IL9: variants seen among roughly 807,000 people sequenced by gnomAD.
IL9 encodes interleukin 9, also known as interleukin-9.
Under a neutral mutation model 12.9 loss-of-function variants are expected in IL9, and 16 were observed. That is an observed-to-expected ratio of 1.24 (90% CI 0.84 to 1.88). The LOEUF (loss-of-function observed/expected upper bound fraction) is 1.88. Ranked by LOEUF, IL9 falls within the 40% of genes most tolerant of loss-of-function variation. IL9 has a pLI of 0.00. For synonymous variants in IL9, 69 were observed against 63.8 expected, an observed-to-expected ratio of 1.08 and a Z score of -0.39; for missense variants, 170 against 173.1, an observed-to-expected ratio of 0.98 and a Z score of 0.10.
Position 135,894,080 on chromosome 5 carries a change from G to C in IL9, c.255C>G (p.Tyr85Ter), listed in dbSNP as rs182132242. Residue 85 changes from tyrosine (Y) to a stop codon, truncating the protein, a stop_gained, in exon 4 of 5, where the codon TAC (tyrosine) becomes TAG (stop). Coordinates refer to ENST00000274520, the MANE Select transcript of IL9 (RefSeq NM_000590.2). LOFTEE classifies it high-confidence loss of function. ...QMTNTTMQTR[Y>*]PLIFSRVKKS... ...TTTTCACCCGACTGAAAATCAGTGG[G>C]TATCTTGTTTGCATGGTGGTATTGG... The C allele has an allele frequency of 1.6e-4, 263 of 1,613,324 alleles. 1 individual carries two copies. The East Asian group carries it at 5.3e-3, about 32-fold the overall frequency.
intron 3 of IL9, among the ~76,000 whole-genome samples, chr5:135,894,804 T>C (rs1259132209): frequency 6.6e-6 from 1 of 152,174 alleles, no homozygotes; most frequent in Non-Finnish European, 1.5e-5. Flanking sequence ...AGAACTTTCC[T>C]GCCACCCATC....
chr5:135,893,921 A>G (rs75186732), intron 4 of IL9, 99 bp downstream of exon 4: 6 of 1,028,136 alleles, frequency 5.8e-6, no homozygotes. Context: ...TGAACTACCA[A>G]TTCCAACTTT....
Position 135,892,579 on chromosome 5 carries a change from T to A in IL9, c.316-69A>T, listed in dbSNP as rs116896049. ...GTAGAGCCAAGCAGCCCCAGAAGCC[T>A]ACCTGCCAAGAGCCAGAGTCGGTGG... On this transcript the variant is annotated intron_variant, in intron 4 of 4. Coordinates refer to ENST00000274520, the MANE Select transcript of IL9 (RefSeq NM_000590.2). The A allele has an allele frequency of 1.7e-3, 2,616 of 1,521,806 alleles. 90 individuals carry two copies. In the East Asian group the frequency reaches 0.056, roughly 32 times the overall value. The allele number at this position is 1,521,806 out of a possible 1,614,324, so 94.3% of individuals were successfully genotyped here. A position where few individuals can be genotyped will look rare whatever the true frequency, so the allele number is the denominator to read the frequency against.
chr5:135,895,715 G>A lies in IL9; in HGVS notation c.102C>T (p.Ile34=). Residue 34 remains isoleucine (I), a synonymous_variant, in exon 1 of 5, where the codon ATC becomes ATT. Transcript: ENST00000274520. ...LAGILDINFL[I]NKMQEDPASK... is the part of the protein sequence containing the mutation. ...CCCTGCAGCCTACCTGCATCTTGTT[G>A]ATGAGGAAGTTGATGTCCAGGATCC... is the stretch of plus-strand genomic sequence containing the variant. 6.2e-7 allele frequency: 1 copy of A among 1,613,320 alleles called. No homozygotes were observed. The highest frequency in any genetic ancestry group is 8.5e-7 in the Non-Finnish European group (1 of 1,179,302).
intron 3 of IL9, among the ~76,000 whole-genome samples, chr5:135,894,959 G>A (rs929026296): frequency 1.2e-4 from 19 of 152,216 alleles, no homozygotes; most frequent in African/African-American, 4.1e-4. Context: ...GAGGAAGGGA[G>A]GAGGCAGGGA....
chr5:135,892,989 T>G (rs1471978877), intron 4 of IL9, among the ~76,000 whole-genome samples: 2 of 152,182 alleles, frequency 1.3e-5, no homozygotes, highest in Non-Finnish European at 2.9e-5. Context: ...GCAAATTAGT[T>G]AACCTCACTG....
In IL9 at chr5:135,892,246, A is replaced by G. The variant is rs1762877394; in HGVS notation, c.*145T>C. 3 of 597,508 alleles carry G rather than the reference A, an allele frequency of 5.0e-6. No homozygotes were observed. The highest frequency in any genetic ancestry group is 8.3e-6 in the Non-Finnish European group (3 of 362,902). 37.0% of individuals were successfully genotyped at this position (597,508 alleles called of 1,614,324 possible). A position where few individuals can be genotyped will look rare whatever the true frequency, so the allele number is the denominator to read the frequency against. ...CTCATGTTGTTTTTTCCACATATGT[A>G]TTTATTTCAAAATAAAGACATACAA... On this transcript the variant is annotated 3_prime_UTR_variant, in exon 5 of 5. Transcript: ENST00000274520.
At position 135,892,435 on chromosome 5, in the gene IL9, T is replaced by C; in HGVS notation, c.391A>G (p.Ile131Val). ...CCTCTCATCTTTTCTTTCTGGAAAA[T>C]TTCCAGAAGACTCTTCAGAAATGTC... ...ALTFLKSLLE[I>V]FQKEKMRGMR... Residue 131 changes from isoleucine (I) to valine (V), a missense_variant, in exon 5 of 5, where the codon ATT becomes GTT. Physicochemically the swap from Ile to Val is conservative, Grantham distance 29. Transcript: ENST00000274520. 4 of 1,612,856 alleles carry C rather than the reference T, an allele frequency of 2.5e-6. No homozygotes were observed. Among genetic ancestry groups the C allele is most frequent in the Non-Finnish European group, 3.4e-6 (4 of 1,179,276 alleles).
In IL9 at chr5:135,895,472, C is replaced by A. The variant is rs1762927922; in HGVS notation, c.151G>T (p.Val51Leu). The change falls in exon 3 of 5, where the codon GTG (valine) becomes TTG (leucine). Residue 51 changes from valine (V) to leucine (L), a missense_variant and splice_region_variant. Val to Leu is a conservative substitution (Grantham distance 32, BLOSUM62 1). Transcript: ENST00000274520. ...ATGCCCAAACAGAGACAACTGGTCA[C>A]CTGCAAGGGAAATTTCAGAGTGAAG... is the stretch of plus-strand genomic sequence containing the variant. ...PASKCHCSAN[V>L]TSCLCLGIPS... The A allele has an allele frequency of 6.2e-7, 1 of 1,613,938 alleles. No individual in the cohort carries two copies. The highest frequency in any genetic ancestry group is 8.5e-7 in the Non-Finnish European group (1 of 1,179,914).
intron 4 of IL9, 94 bp from the exon 5 acceptor site, chr5:135,892,604 G>A (rs766778682): frequency 7.0e-4 from 977 of 1,405,438 alleles, no homozygotes; most frequent in Non-Finnish European, 9.1e-4. Context: ...AGAGTCGGTG[G>A]TGAGGATTGT....
chr5:135,894,280 C>T, intron 3 of IL9, 129 bp from the exon 4 acceptor site: 1 of 904,118 alleles, frequency 1.1e-6, no homozygotes, highest in Non-Finnish European at 1.7e-6. Flanking sequence ...TATTTTTAGA[C>T]AGGTCCCTTG....
chr5:135,892,465 C>T lies in IL9; in HGVS notation c.361G>A (p.Ala121Thr), dbSNP rs534018695. Residue 121 changes from alanine (A) to threonine (T), a missense_variant, in exon 5 of 5, where the codon GCG becomes ACG. Coordinates refer to ENST00000274520, the MANE Select transcript of IL9 (RefSeq NM_000590.2). ...AGAAGACTCTTCAGAAATGTCAGCG[C>T]GTTGCCTGCCGTGGTTTGGTTGCAT... ...QPCNQTTAGN[A>T]LTFLKSLLEI... The T allele has an allele frequency of 4.9e-5, 79 of 1,613,240 alleles. No individual in the cohort carries two copies. The South Asian group carries it at 6.2e-4, about 13-fold the overall frequency.
At chr5:135,893,813 G>A (rs1762906283) in intron 4 of IL9, among the ~76,000 whole-genome samples, 1 of 152,138 alleles carries the variant, frequency 6.6e-6, no homozygotes, top group Non-Finnish European at 1.5e-5. Flanking sequence ...GCCTCGTCAG[G>A]AACAATGATC....
chr5:135,894,029 G>A lies in IL9; in HGVS notation c.306C>T (p.Asn102=). 2 of 1,611,352 alleles carry A rather than the reference G, an allele frequency of 1.2e-6. No individual in the cohort carries two copies. The highest frequency in any genetic ancestry group is 1.7e-6 in the Non-Finnish European group (2 of 1,179,400). Residue 102 remains asparagine (N), a synonymous_variant, in exon 4 of 5, where the codon AAC becomes AAT. Coordinates refer to ENST00000274520, the MANE Select transcript of IL9 (RefSeq NM_000590.2). The stretch of plus-strand genomic sequence containing the variant: ...ATGAAAACAAACTTACTGGACACTT[G>A]TTGTTCTTTAGTACTTCAACTGATT... The part of the protein sequence containing the change: ...VKKSVEVLKN[N]KCPYFSCEQP...
At position 135,892,306 on chromosome 5, in the gene IL9, G is replaced by C. The variant is rs539145167; in HGVS notation, c.*85C>G. 33 of 999,640 alleles carry C rather than the reference G, an allele frequency of 3.3e-5. No homozygotes were observed. In the African/African-American group the frequency reaches 4.8e-4, roughly 14 times the overall value. 61.9% of individuals were successfully genotyped at this position (999,640 alleles called of 1,614,324 possible). A position where few individuals can be genotyped will look rare whatever the true frequency, so the allele number is the denominator to read the frequency against. On this transcript the variant is annotated 3_prime_UTR_variant, in exon 5 of 5. Coordinates refer to ENST00000274520, the MANE Select transcript of IL9 (RefSeq NM_000590.2). ...AATAATCACAACTGATACTGATTTAGAGTAGCTTACTTGATTTTTAAATTG... is the reference window on the plus strand; with the variant it reads ...AATAATCACAACTGATACTGATTTACAGTAGCTTACTTGATTTTTAAATTG...
chr5:135,895,341 C>G (rs1422205584), intron 3 of IL9, 99 bp downstream of exon 3: 24 of 937,560 alleles, frequency 2.6e-5, no homozygotes, highest in Non-Finnish European at 3.8e-5. Context: ...AATTAAGCAA[C>G]AATGTATAAC....
In IL9 at chr5:135,892,279, CAAAT is replaced by C. The variant is rs1313053435; in HGVS notation, c.*108_*111del. 1.3e-6 allele frequency: 1 copy of C among 790,480 alleles called. No homozygotes were observed. The highest frequency in any genetic ancestry group is 3.1e-5 in the Admixed American group (1 of 32,712). 49.0% of individuals were successfully genotyped at this position (790,480 alleles called of 1,614,324 possible). On this transcript the variant is annotated 3_prime_UTR_variant, in exon 5 of 5. Coordinates refer to ENST00000274520, the MANE Select transcript of IL9 (RefSeq NM_000590.2). ...CAAAATAAAGACATACAATGTTAAACAAATAATCACAACTGATACTGATTTAGAG... is the reference window on the plus strand; with the variant it reads ...CAAAATAAAGACATACAATGTTAAACAATCACAACTGATACTGATTTAGAG...
In IL9 at chr5:135,894,112, G is replaced by A. The variant is rs750375247; in HGVS notation, c.223C>T (p.Gln75Ter). Reference protein sequence around the residue: ...TRPCFSERLSQMTNTTMQTRY... With the variant: ...TRPCFSERLS ...GTTTGCATGGTGGTATTGGTCATCT[G>A]AGACAGTCTCTCACTGAAGCATGGT... Residue 75 changes from glutamine (Q) to a stop codon, truncating the protein, a stop_gained, in exon 4 of 5, where the codon CAG becomes TAG. Transcript: ENST00000274520. LOFTEE classifies it high-confidence loss of function. 2 of 1,613,312 alleles carry A rather than the reference G, an allele frequency of 1.2e-6. No individual in the cohort carries two copies. Among genetic ancestry groups the A allele is most frequent in the Non-Finnish European group, 8.5e-7 (1 of 1,179,636 alleles).
intron 4 of IL9, among the ~76,000 whole-genome samples, chr5:135,893,787 T>G (rs987134351): frequency 1.3e-5 from 2 of 152,230 alleles, no homozygotes; most frequent in African/African-American, 4.8e-5. Context: ...TATTCCATAG[T>G]AGAGAGAAGT....
Sources: allele counts gnomAD v4.1 joint callset (sites outside exome capture counted in the v4.1 genomes callset), GRCh38; gene constraint gnomAD v4.1.1; transcripts MANE v1.5; gene names NCBI Gene and HGNC (gene_info 2026-07-23, HGNC 2026-07-21).